The following SERPINB13 variants were observed in gnomAD, a reference collection of about 807,000 sequenced individuals.
SERPINB13 encodes the protein serpin family B member 13, also known as serpin B13.
A neutral mutation model predicts 31.2 loss-of-function variants in SERPINB13; 26 were observed. The ratio of observed to expected loss-of-function variants is 0.83; its 90% CI spans 0.61 to 1.15. The LOEUF (loss-of-function observed/expected upper bound fraction) is 1.15, where lower values mean the gene tolerates loss of function less well. Among genes scored for constraint, SERPINB13 ranks in the 50% most tolerant of loss-of-function variants. The probability of loss-of-function intolerance (pLI) is 0.00; values close to 1 mark genes in which losing one functional copy is unlikely to be tolerated. For synonymous variants in SERPINB13, 191 were observed against 172.4 expected (o/e 1.11, Z -0.85); for missense variants, 510 against 469.4 (o/e 1.09, Z -0.80).
In SERPINB13 at chr18:63,597,154, T is replaced by G. The variant is rs1287056035; in HGVS notation, c.967T>G (p.Ser323Ala). The change falls in exon 8 of 8, where the codon TCC becomes GCC. Residue 323 changes from serine to alanine, a missense_variant. By Grantham distance (99) the Ser-to-Ala change is moderately conservative. Coordinates refer to ENST00000344731, the MANE Select transcript of SERPINB13 (RefSeq NM_012397.4). ...KADYSGMSSG[S>A]GLYAQKFLHS... The stretch of plus-strand genomic sequence containing the variant: ...CGACTACTCGGGAATGTCGTCAGGC[T>G]CCGGGTTGTACGCCCAGAAGTTCCT... 41 of 1,614,198 alleles carry G rather than the reference T, an allele frequency of 2.5e-5. No homozygotes were observed. The highest frequency in any genetic ancestry group is 3.5e-5 in the Non-Finnish European group (41 of 1,180,024).
rs371695953 is a variant in SERPINB13, at chr18:63,595,169, C to G, written c.756C>G (p.Ile252Met). 2.5e-6 allele frequency: 4 copies of G among 1,612,662 alleles called. No individual in the cohort carries two copies. The highest frequency in any genetic ancestry group is 8.5e-7 in the Non-Finnish European group (1 of 1,179,570). ...LSMFVLLPND[I>M]DGLEKIIDKI... is the part of the protein sequence containing the mutation. ...TGTTTGTGCTTCTGCCCAACGACAT[C>G]GATGGCCTGGAGAAGGTAAACGCTT... Residue 252 changes from isoleucine to methionine, a missense_variant, in exon 7 of 8, where the codon ATC becomes ATG. Physicochemically the swap from Ile to Met is conservative, Grantham distance 10 (BLOSUM62 1). Transcript: ENST00000344731.
chr18:63,593,008 A>G (rs1911948105), intron 5 of SERPINB13, 37 bp downstream of exon 5: 1 of 1,320,078 alleles, frequency 7.6e-7, no homozygotes, highest in Non-Finnish European at 1.1e-6. Context: ...CAAAAAAACA[A>G]AAACAAAGAA....
intron 1 of SERPINB13, among the ~76,000 whole-genome samples, chr18:63,588,437 C>T (rs1054660951): frequency 3.9e-5 from 6 of 152,118 alleles, no homozygotes; most frequent in Non-Finnish European, 5.9e-5. Flanking sequence ...TGAGCACCAC[C>T]GGATGACGGA....
intron 3 of SERPINB13, 59 bp from the exon 4 acceptor site, chr18:63,592,289 G>C: frequency 6.4e-7 from 1 of 1,572,936 alleles, no homozygotes. Context: ...CCTCTTAGGG[G>C]AGAATCTGGG....
chr18:63,587,961 A>G (rs1911608357), intron 1 of SERPINB13, among the ~76,000 whole-genome samples: 1 of 152,238 alleles, frequency 6.6e-6, no homozygotes, highest in South Asian at 2.1e-4. Context: ...CTAAAACAAT[A>G]CAGAAAAGTA....
rs372530339 is a variant in SERPINB13, at chr18:63,588,808, A to G, written c.141A>G (p.Gly47=). The G allele has an allele frequency of 5.0e-6, 8 of 1,613,934 alleles. No homozygotes were observed. In the Admixed American group the frequency reaches 8.3e-5, roughly 17 times the overall value. Residue 47 remains glycine, a synonymous_variant, in exon 2 of 8, where the codon GGA becomes GGG. Transcript: ENST00000344731. ...GCATGGTCCTCCTGGGGACCCGAGGAGCCACCGCTTCCCAGTTGGAGGAGG... is the reference window on the plus strand; with the variant it reads ...GCATGGTCCTCCTGGGGACCCGAGGGGCCACCGCTTCCCAGTTGGAGGAGG... ...AIGMVLLGTR[G]ATASQLEEVF...
chr18:63,589,635 A>T, intron 2 of SERPINB13, 21 bp from the exon 3 acceptor site: 1 of 1,612,000 alleles, frequency 6.2e-7, no homozygotes, highest in Non-Finnish European at 8.5e-7. Context: ...GCACCACAGT[A>T]ATATTTTCTA....
At chr18:63,588,025 G>T (rs190132330) in intron 1 of SERPINB13, among the ~76,000 whole-genome samples, 167 of 152,296 alleles carry the variant, frequency 1.1e-3, no homozygotes, top group African/African-American at 3.7e-3. Flanking sequence ...AGAGATATGT[G>T]GTTTCTGCTT....
intron 7 of SERPINB13, among the ~76,000 whole-genome samples, chr18:63,596,494 A>G (rs1339391643): frequency 2.0e-5 from 3 of 152,244 alleles, no homozygotes; most frequent in African/African-American, 7.2e-5. Flanking sequence ...AAATGTTTGT[A>G]AAGTGAATGA....
rs1290882099 is a variant in SERPINB13, at chr18:63,596,952, A to C, written c.772-7A>C. ...ATGCCATTCTACTCTTCTTTTTTTG[A>C]AAATAGATAATAGATAAAATAAGTC... On this transcript the variant is annotated splice_polypyrimidine_tract_variant and splice_region_variant and intron_variant, in intron 7 of 7. Coordinates refer to ENST00000344731, the MANE Select transcript of SERPINB13 (RefSeq NM_012397.4). 3.2e-6 allele frequency: 5 copies of C among 1,576,470 alleles called. No homozygotes were observed. The highest frequency in any genetic ancestry group is 4.3e-6 in the Non-Finnish European group (5 of 1,161,322).
rs748593784 is a variant in SERPINB13 at position 63,596,958 on chromosome 18, G to C, written c.772-1G>C. On this transcript the variant is annotated splice_acceptor_variant, in intron 7 of 7. Transcript: ENST00000344731. LOFTEE classifies it high-confidence loss of function. ...TTCTACTCTTCTTTTTTTGAAAATA[G>C]ATAATAGATAAAATAAGTCCTGAGA... is the stretch of plus-strand genomic sequence containing the variant. 2.5e-6 allele frequency: 4 copies of C among 1,588,108 alleles called. No homozygotes were observed. The African/African-American group carries it at 4.1e-5, about 16-fold the overall frequency.
Position 63,597,225 on chromosome 18 carries a change from A to G in SERPINB13, c.1038A>G (p.Ala346=). 6.2e-7 allele frequency: 1 copy of G among 1,614,216 alleles called. No homozygotes were observed. The highest frequency in any genetic ancestry group is 1.1e-5 in the South Asian group (1 of 91,088). The part of the protein sequence containing the change: ...VAVTEEGTEA[A]AATGIGFTVT... ...TAACTGAGGAAGGCACCGAGGCTGC[A>G]GCTGCCACCGGCATAGGCTTTACTG... The change falls in exon 8 of 8, where the codon GCA becomes GCG. Residue 346 remains alanine, a synonymous_variant. Coordinates refer to ENST00000344731, the MANE Select transcript of SERPINB13 (RefSeq NM_012397.4).
chr18:63,594,168 A>G, intron 5 of SERPINB13, 187 bp from the exon 6 acceptor site: 1 of 1,504,314 alleles, frequency 6.6e-7, no homozygotes, highest in Non-Finnish European at 8.9e-7. Flanking sequence ...ACTGGGATAA[A>G]TAGGCGATGG....
At chr18:63,596,918 T>G (rs1387369029) in intron 7 of SERPINB13, 41 bp from the exon 8 acceptor site, 63 of 1,490,002 alleles carry the variant, frequency 4.2e-5, no homozygotes, top group Non-Finnish European at 5.5e-5. Context: ...TAGATTTTTA[T>G]TGATAATCAT....
At chr18:63,591,075 A>G (rs1465408229) in intron 3 of SERPINB13, among the ~76,000 whole-genome samples, 1 of 152,118 alleles carries the variant, frequency 6.6e-6, no homozygotes, top group African/African-American at 2.4e-5. Context: ...TACAAAATAA[A>G]CTATTACCAA....
intron 7 of SERPINB13, 151 bp from the exon 8 acceptor site, chr18:63,596,808 C>T (rs1912194533): frequency 3.4e-6 from 2 of 583,216 alleles, no homozygotes; most frequent in Non-Finnish European, 5.8e-6. Context: ...AGACAACCGC[C>T]TGCAGTATAA....
Position 63,589,631 on chromosome 18 carries a change from C to T in SERPINB13, c.166-25C>T, listed in dbSNP as rs192745052. 111 of 1,611,000 alleles carry T rather than the reference C, an allele frequency of 6.9e-5. 1 individual carries two copies. In the African/African-American group the frequency reaches 1.4e-3, roughly 20 times the overall value. On this transcript the variant is annotated intron_variant, in intron 2 of 7. Coordinates refer to ENST00000344731, the MANE Select transcript of SERPINB13 (RefSeq NM_012397.4). ...GAGGTTTTCTCTTCTCTGAGCACCA[C>T]AGTAATATTTTCTATCTCTTCCAGG... is the stretch of plus-strand genomic sequence containing the variant.
At chr18:63,589,868 T>C in intron 3 of SERPINB13, 153 bp downstream of exon 3, 1 of 1,406,970 alleles carries the variant, frequency 7.1e-7, no homozygotes, top group South Asian at 1.5e-5. Flanking sequence ...ATAATCACCA[T>C]AGACAAATAT....
At chr18:63,594,281 T>C (rs11152394) in intron 5 of SERPINB13, 74 bp from the exon 6 acceptor site, 1,273,575 of 1,594,248 alleles carry the variant, frequency 0.8, 509,931 homozygotes, top group African/African-American at 0.9. Flanking sequence ...CAAGTCCATC[T>C]GCATCATATT....
Sources: allele counts gnomAD v4.1 joint callset (sites outside exome capture counted in the v4.1 genomes callset), GRCh38; gene constraint gnomAD v4.1.1; transcripts MANE v1.5; gene names NCBI Gene and HGNC (gene_info 2026-07-23, HGNC 2026-07-21).